PACRGL: variants seen among roughly 807,000 people sequenced by gnomAD.
PACRGL encodes parkin coregulated like, also known as PACRG-like protein.
Under a neutral mutation model 34.5 loss-of-function variants are expected in PACRGL, and 38 were observed. That is an observed-to-expected ratio of 1.10 (90% confidence interval 0.85 to 1.44). PACRGL has a LOEUF of 1.44. Ranked by LOEUF, PACRGL falls within the 40% of genes most tolerant of loss-of-function variation. PACRGL has a pLI of 0.00. For missense variants in PACRGL, 305 were observed against 281.4 expected (o/e 1.08, Z -0.60); for synonymous variants, 128 against 100.1 (o/e 1.28, Z -1.66).
In PACRGL at chr4:20,731,677, T is replaced by A. The variant is rs1425839555; in HGVS notation, c.*4336T>A. On this transcript the variant is annotated 3_prime_UTR_variant, in exon 9 of 9. Transcript: ENST00000503585. ...GATATGATAGATAATATATGAGTGA[T>A]GCTAAGTTTTGGCAAAGAGCAATTC... 3.0e-6 allele frequency: 3 copies of A among 985,170 alleles called. No homozygotes were observed. In the East Asian group the frequency reaches 3.4e-4, roughly 112 times the overall value. 61.0% of individuals were successfully genotyped at this position (985,170 alleles called of 1,614,324 possible). A position where few individuals can be genotyped will look rare whatever the true frequency, so the allele number is the denominator to read the frequency against.
chr4:20,722,180 A>C (rs1743617816), intron 7 of PACRGL, among the ~76,000 whole-genome samples: 1 of 152,240 alleles, frequency 6.6e-6, no homozygotes, highest in Non-Finnish European at 1.5e-5. Flanking sequence ...GGAAAAGTGC[A>C]GTATTAAGTT....
Position 20,731,493 on chromosome 4 carries a change from C to G in PACRGL, c.*4152C>G. Reference sequence around the variant, plus strand: ...AGTTCTCTTCAGAGAAAATTTTCCACTGTTTATTTTTTGTGACTGAAGACC... The same window carrying G: ...AGTTCTCTTCAGAGAAAATTTTCCAGTGTTTATTTTTTGTGACTGAAGACC... On this transcript the variant is annotated 3_prime_UTR_variant, in exon 9 of 9. Transcript: ENST00000503585. 1 of 985,330 alleles carries G rather than the reference C, an allele frequency of 1.0e-6. No individual in the cohort carries two copies. Among genetic ancestry groups the G allele is most frequent in the African/African-American group, 1.7e-5 (1 of 57,328 alleles). 61.0% of individuals were successfully genotyped at this position (985,330 alleles called of 1,614,324 possible).
chr4:20,728,414 A>T lies in PACRGL; in HGVS notation c.*1073A>T, dbSNP rs1269514708. On this transcript the variant is annotated 3_prime_UTR_variant, in exon 9 of 9. Coordinates refer to ENST00000503585, the MANE Select transcript of PACRGL (RefSeq NM_001258345.3). ...ATTTTTAAGAAGCTTTTAAAATATA[A>T]TATAGACATAGTTCAGAATTTTGAT... The T allele has an allele frequency of 6.6e-6, 1 of 152,208 alleles. No individual in the cohort carries two copies. Among genetic ancestry groups the T allele is most frequent in the African/African-American group, 2.4e-5 (1 of 41,460 alleles). 9.4% of individuals were successfully genotyped at this position (152,208 alleles called of 1,614,324 possible).
intron 7 of PACRGL, among the ~76,000 whole-genome samples, chr4:20,721,641 A>G (rs1236022859): frequency 6.6e-6 from 1 of 152,210 alleles, no homozygotes; most frequent in Non-Finnish European, 1.5e-5. Flanking sequence ...AGAACAGCGA[A>G]TATTGCTGAA....
At chr4:20,764,204 A>G in the PACRGL span, among the ~76,000 whole-genome samples, 1 of 152,162 alleles carries the variant, frequency 6.6e-6, no homozygotes, top group African/African-American at 2.4e-5. Context: ...AAATTAAAGA[A>G]AATGAAAATC....
At chr4:20,716,014 A>G (rs551961436) in intron 7 of PACRGL, 186 of 1,255,778 alleles carry the variant, frequency 1.5e-4, no homozygotes, top group Non-Finnish European at 1.8e-4. Flanking sequence ...TTTGTTTTTC[A>G]TTGCGATGTT....
chr4:20,704,444 CTTT>C lies in PACRGL; in HGVS notation c.-16-12_-16-10del. 1 of 1,271,718 alleles carries C rather than the reference CTTT, an allele frequency of 7.9e-7. No homozygotes were observed. The highest frequency in any genetic ancestry group is 1.3e-5 in the South Asian group (1 of 74,426). 78.8% of individuals were successfully genotyped at this position (1,271,718 alleles called of 1,614,324 possible). A position where few individuals can be genotyped will look rare whatever the true frequency, so the allele number is the denominator to read the frequency against. ...CCCTCCAAACAAATTTTGAAATCAA[CTTT>C]TTTTTTTTTAAACTGCAGGAGTGAA... On this transcript the variant is annotated intron_variant, in intron 1 of 8. Transcript: ENST00000503585.
intron 7 of PACRGL, among the ~76,000 whole-genome samples, chr4:20,719,168 G>T (rs1029890150): frequency 6.6e-6 from 1 of 152,134 alleles, no homozygotes; most frequent in Non-Finnish European, 1.5e-5. Context: ...TGTGGGATTG[G>T]TGGTGATATC....
At chr4:20,738,360 C>G (rs887169894) in intron 8 of PACRGL, among the ~76,000 whole-genome samples, 2 of 152,096 alleles carry the variant, frequency 1.3e-5, no homozygotes, top group African/African-American at 4.8e-5. Flanking sequence ...TATTGGTTCT[C>G]AAAATATAAT....
downstream of PACRGL, among the ~76,000 whole-genome samples, chr4:20,733,449 T>C (rs908673131): frequency 1.1e-4 from 16 of 152,312 alleles, no homozygotes; most frequent in Admixed American, 5.9e-4. Context: ...TTGTTGCACA[T>C]TTGTTTCACG....
chr4:20,740,068 G>A lies in PACRGL; in HGVS notation c.*57-12497G>A, dbSNP rs189400772. On this transcript the variant is annotated intron_variant, in intron 8 of 8. Coordinates refer to the PACRGL transcript ENST00000507634. ...AAAAATGAGTTAAACAAAGCCTCCA[G>A]GAAATATGGGACTATGTGAAAAGGC... Among the ~76,000 whole-genome samples the A allele has an allele frequency of 2.3e-3, 354 of 152,110 alleles. 8 individuals carry two copies. The South Asian group carries it at 0.046, about 20-fold the overall frequency.
Position 20,730,977 on chromosome 4 carries a change from G to C in PACRGL, c.*3636G>C, listed in dbSNP as rs1381886845. Among the ~76,000 whole-genome samples the C allele has an allele frequency of 6.6e-6, 1 of 152,164 alleles. No individual in the cohort carries two copies. The highest frequency in any genetic ancestry group is 6.5e-5 in the Admixed American group (1 of 15,270). ...CACTGCATGGAAATCCAAGTTGAGA[G>C]ACAAGCAGACATCCAGAAAAGTAAG... On this transcript the variant is annotated 3_prime_UTR_variant, in exon 9 of 9. Coordinates refer to ENST00000503585, the MANE Select transcript of PACRGL (RefSeq NM_001258345.3).
At chr4:20,735,635 C>T (rs1233561804), downstream of PACRGL, among the ~76,000 whole-genome samples, 1 of 148,848 alleles carries the variant, frequency 6.7e-6, no homozygotes, top group Non-Finnish European at 1.5e-5. Flanking sequence ...CTCCCAGGTT[C>T]AAGCCATTCT....
the PACRGL span, among the ~76,000 whole-genome samples, chr4:20,763,508 A>G: frequency 1.5e-3 from 225 of 152,296 alleles, 1 homozygote; most frequent in Non-Finnish European, 2.2e-3. Flanking sequence ...CCAGGTCTTA[A>G]AGTGGTATAC....
the PACRGL span, among the ~76,000 whole-genome samples, chr4:20,764,658 C>T: frequency 2.0e-5 from 3 of 146,818 alleles, no homozygotes; most frequent in Admixed American, 6.9e-5. Context: ...GAGGAGCTAC[C>T]GACTAGAATC....
chr4:20,730,557 A>T lies in PACRGL; in HGVS notation c.*3216A>T, dbSNP rs1303851206. Among the ~76,000 whole-genome samples the T allele has an allele frequency of 6.6e-6, 1 of 152,152 alleles. No individual in the cohort carries two copies. Among genetic ancestry groups the T allele is most frequent in the Non-Finnish European group, 1.5e-5 (1 of 68,032 alleles). Reference sequence around the variant, plus strand: ...TGTGTGTATGAGCCAGCAGTTCATGAAGATTGGAGGCTGGCGCATAGGAGG... The same window carrying T: ...TGTGTGTATGAGCCAGCAGTTCATGTAGATTGGAGGCTGGCGCATAGGAGG... On this transcript the variant is annotated 3_prime_UTR_variant, in exon 9 of 9. Coordinates refer to ENST00000503585, the MANE Select transcript of PACRGL (RefSeq NM_001258345.3).
chr4:20,701,789 A>C (rs1227702887), intron 1 of PACRGL: 1 of 451,394 alleles, frequency 2.2e-6, no homozygotes, highest in Admixed American at 2.4e-5. Flanking sequence ...CACCCATGCC[A>C]AAGTCCTCCA....
At chr4:20,720,286 C>A (rs897037805) in intron 7 of PACRGL, among the ~76,000 whole-genome samples, 13 of 151,786 alleles carry the variant, frequency 8.6e-5, no homozygotes, top group East Asian at 1.9e-4. Flanking sequence ...TTTATCCAAT[C>A]TGCCAGTCTG....
chr4:20,746,675 T>C (rs544989238), intron 8 of PACRGL, among the ~76,000 whole-genome samples: 3 of 152,200 alleles, frequency 2.0e-5, no homozygotes, highest in Non-Finnish European at 4.4e-5. Flanking sequence ...ATTGCTGATG[T>C]TTTAGCAGTA....
Sources: allele counts gnomAD v4.1 joint callset (sites outside exome capture counted in the v4.1 genomes callset), GRCh38; gene constraint gnomAD v4.1.1; transcripts MANE v1.5; gene names NCBI Gene and HGNC (gene_info 2026-07-23, HGNC 2026-07-21).